The following GNAQ variants were observed in gnomAD, a reference collection of about 807,000 sequenced individuals.
GNAQ encodes the protein G protein subunit alpha q, also known as guanine nucleotide-binding protein G(q) subunit alpha.
In GNAQ, 8 loss-of-function variants were observed where a neutral mutation model predicts 43.9. That is an observed-to-expected ratio of 0.18 (90% CI 0.11 to 0.33). The LOEUF (loss-of-function observed/expected upper bound fraction) is 0.33, where lower values mean the gene tolerates loss of function less well. Ranked by LOEUF, GNAQ falls within the 10% of genes least tolerant of loss-of-function variation. The pLI, the probability that GNAQ is intolerant of heterozygous loss-of-function variation, is 1.00. For synonymous variants in GNAQ, 155 were observed against 170.7 expected, an observed-to-expected ratio of 0.91 and a Z score of 0.71; for missense variants, 158 against 450.8, an observed-to-expected ratio of 0.35 and a Z score of 5.88.
intron 1 of GNAQ, among the ~76,000 whole-genome samples, chr9:77,949,693 A>G (rs1193056425): frequency 1.3e-5 from 2 of 152,186 alleles, no homozygotes; most frequent in African/African-American, 4.8e-5. Context: ...ATGTGGGGCT[A>G]ACACCAGGTC....
At chr9:78,027,185 G>A (rs1339430813) in intron 1 of GNAQ, among the ~76,000 whole-genome samples, 2 of 151,928 alleles carry the variant, frequency 1.3e-5, no homozygotes, top group Non-Finnish European at 2.9e-5. Flanking sequence ...TTCCTATCCT[G>A]GAATGCATTT....
chr9:77,951,682 AAGG>A (rs1189421925), intron 1 of GNAQ, among the ~76,000 whole-genome samples: 3 of 152,060 alleles, frequency 2.0e-5, no homozygotes, highest in Non-Finnish European at 4.4e-5. Flanking sequence ...GGGTTACTTT[AAGG>A]AGGAGAGGCT....
intron 5 of GNAQ, among the ~76,000 whole-genome samples, chr9:77,729,579 T>C (rs1274265590): frequency 6.6e-6 from 1 of 152,170 alleles, no homozygotes; most frequent in African/African-American, 2.4e-5. Flanking sequence ...CTTTCTCCCA[T>C]AGACTCACCT....
intron 2 of GNAQ, among the ~76,000 whole-genome samples, chr9:77,883,693 G>T (rs2118077696): frequency 6.6e-6 from 1 of 151,948 alleles, no homozygotes; most frequent in African/African-American, 2.4e-5. Context: ...ATAAGGCTTG[G>T]GTTTTAATAT....
intron 5 of GNAQ, among the ~76,000 whole-genome samples, chr9:77,760,921 C>T (rs1415287692): frequency 3.4e-5 from 5 of 149,198 alleles, no homozygotes; most frequent in Non-Finnish European, 7.5e-5. Flanking sequence ...AGGTGAGGAG[C>T]ATCTCTGCCC....
intron 5 of GNAQ, among the ~76,000 whole-genome samples, chr9:77,746,685 T>C (rs1299229484): frequency 6.6e-6 from 1 of 152,182 alleles, no homozygotes; most frequent in Non-Finnish European, 1.5e-5. Context: ...AAACAGTGAA[T>C]TATCAAAAAA....
intron 5 of GNAQ, among the ~76,000 whole-genome samples, chr9:77,757,845 G>A (rs1480073975): frequency 2.0e-5 from 3 of 152,088 alleles, no homozygotes; most frequent in Non-Finnish European, 4.4e-5. Flanking sequence ...CTAGTAACAC[G>A]GAAAGTCCTT....
intron 1 of GNAQ, among the ~76,000 whole-genome samples, chr9:77,929,104 G>T (rs910944594): frequency 9.2e-5 from 14 of 152,132 alleles, no homozygotes; most frequent in African/African-American, 3.1e-4. Flanking sequence ...AGTATAATTT[G>T]GAGAACAGGA....
intron 2 of GNAQ, among the ~76,000 whole-genome samples, chr9:77,889,296 T>C (rs1306912331): frequency 1.3e-5 from 2 of 151,102 alleles, no homozygotes; most frequent in Non-Finnish European, 2.9e-5. Flanking sequence ...TAGTCCCAGC[T>C]ACTCATCAGG....
Position 77,794,538 on chromosome 9 carries a change from A to C in GNAQ, c.660T>G (p.Phe220Leu). Residue 220 changes from phenylalanine (F) to leucine (L), a missense_variant, in exon 5 of 7, where the codon TTT (phenylalanine) becomes TTG (leucine). Physicochemically the swap from Phe to Leu is conservative, Grantham distance 22. Transcript: ENST00000286548. ...GAAACATGATAGAGGTGACATTTTCAAAGCAGTGTATCCATTTTCTTCTCT... is the reference window on the plus strand; with the variant it reads ...GAAACATGATAGAGGTGACATTTTCCAAGCAGTGTATCCATTTTCTTCTCT... ...RSERRKWIHC[F>L]ENVTSIMFLV... The C allele has an allele frequency of 6.2e-7, 1 of 1,607,922 alleles. No individual in the cohort carries two copies. The highest frequency in any genetic ancestry group is 2.2e-5 in the East Asian group (1 of 44,770).
At chr9:77,785,378 T>C (rs1488221770) in intron 5 of GNAQ, among the ~76,000 whole-genome samples, 2 of 152,230 alleles carry the variant, frequency 1.3e-5, no homozygotes, top group Admixed American at 6.5e-5. Context: ...CACCTTGATT[T>C]CAGACTTCTA....
intron 2 of GNAQ, among the ~76,000 whole-genome samples, chr9:77,890,593 C>T (rs1828388828): frequency 6.6e-6 from 1 of 152,068 alleles, no homozygotes; most frequent in South Asian, 2.1e-4. Flanking sequence ...CGTGGTGGCG[C>T]ATGCCTGTAA....
At chr9:77,984,535 G>A (rs183213231) in intron 1 of GNAQ, among the ~76,000 whole-genome samples, 1 of 152,230 alleles carries the variant, frequency 6.6e-6, no homozygotes, top group Admixed American at 6.5e-5. Flanking sequence ...CCTTGGAAAA[G>A]ATAAGATTCC....
At chr9:77,939,179 G>A (rs1408028061) in intron 1 of GNAQ, among the ~76,000 whole-genome samples, 2 of 152,184 alleles carry the variant, frequency 1.3e-5, no homozygotes, top group African/African-American at 2.4e-5. Context: ...GGAATGAGGG[G>A]CAAGGAAGGT....
At chr9:77,986,051 A>T (rs1224978914) in intron 1 of GNAQ, among the ~76,000 whole-genome samples, 1 of 152,092 alleles carries the variant, frequency 6.6e-6, no homozygotes, top group Non-Finnish European at 1.5e-5. Context: ...ATCCACCTCT[A>T]CTGTTGCTTC....
At chr9:77,901,581 T>C (rs1253333724) in intron 2 of GNAQ, among the ~76,000 whole-genome samples, 6 of 152,114 alleles carry the variant, frequency 3.9e-5, no homozygotes, top group African/African-American at 1.4e-4. Flanking sequence ...CTCAATGTCT[T>C]ATAAGTGTCT....
At chr9:77,867,756 A>T (rs1055509723) in intron 2 of GNAQ, among the ~76,000 whole-genome samples, 3 of 152,196 alleles carry the variant, frequency 2.0e-5, no homozygotes, top group African/African-American at 4.8e-5. Context: ...AGTCCTTTCT[A>T]AGAAGTGAGG....
At chr9:77,857,673 GAAGGAGGGGAAGGAGAGAA>G (rs1486373157) in intron 2 of GNAQ, among the ~76,000 whole-genome samples, 1 of 142,968 alleles carries the variant, frequency 7.0e-6, no homozygotes, top group Non-Finnish European at 1.5e-5. Context: ...GGGAAGGAGG[GAAGGAGGGGAAGGAGAGAA>G]AGGAAGACAG....
intron 1 of GNAQ, among the ~76,000 whole-genome samples, chr9:78,013,945 G>T (rs1018522652): frequency 6.6e-6 from 1 of 152,046 alleles, no homozygotes; most frequent in African/African-American, 2.4e-5. Context: ...ATGATCCTTG[G>T]TATAGGTGAA....
Sources: allele counts gnomAD v4.1 joint callset (sites outside exome capture counted in the v4.1 genomes callset), GRCh38; gene constraint gnomAD v4.1.1; transcripts MANE v1.5; gene names NCBI Gene and HGNC (gene_info 2026-07-23, HGNC 2026-07-21).